Variants in APOBEC3B observed in about 807,000 individuals in gnomAD.
APOBEC3B encodes DNA dC->dU-editing enzyme APOBEC-3B.
A neutral mutation model predicts 53.4 loss-of-function variants in APOBEC3B; 29 were observed. The observed-to-expected ratio is 0.54, with a 90% confidence interval of 0.40 to 0.74. The LOEUF is 0.74. APOBEC3B is among the 30% of genes least tolerant of loss of function. The pLI is 0.00. For synonymous variants in APOBEC3B, 132 were observed against 184.8 expected (o/e 0.71, Z 2.32); for missense variants, 347 against 496.2 (o/e 0.70, Z 2.86).
intron 3 of APOBEC3B, 81 bp from the exon 4 acceptor site, chr22:38,986,217 A>G (rs1923733145): frequency 1.3e-6 from 2 of 1,585,820 alleles, no homozygotes; most frequent in Non-Finnish European, 1.7e-6. Context: ...ACTGACTGCA[A>G]CTGACAGCCA....
At position 38,988,683 on chromosome 22, in the gene APOBEC3B, C is replaced by CTCTCTTTCTCTCTCTCTT. The variant is rs1555894372; in HGVS notation, c.570-771_570-770insCTTTCTCTCTCTCTTTCT. On this transcript the variant is annotated intron_variant, in intron 4 of 7. Transcript: ENST00000333467. ...TTGCTTCCTCTCTCTTTCTCTCTTTCTCTTTCTTTCTTTCTTTCTTTCTTT... is the reference window on the plus strand; with the variant it reads ...TTGCTTCCTCTCTCTTTCTCTCTTTCTCTCTTTCTCTCTCTCTTTCTTTCTTTCTTTCTTTCTTTCTTT... Among the ~76,000 whole-genome samples, 75 of 47,500 alleles carry CTCTCTTTCTCTCTCTCTT rather than the reference C, an allele frequency of 1.6e-3. 1 individual carries two copies. The highest frequency in any genetic ancestry group is 6.2e-3 in the African/African-American group (69 of 11,136). 31.2% of individuals were successfully genotyped at this position (47,500 alleles called of 152,430 possible). A position where few individuals can be genotyped will look rare whatever the true frequency, so the allele number is the denominator to read the frequency against.
Position 38,984,082 on chromosome 22 carries a change from A to G in APOBEC3B, c.25A>G (p.Met9Val), listed in dbSNP as rs1248045775. Residue 9 changes from methionine to valine, a missense_variant, in exon 2 of 8, where the codon ATG becomes GTG. Around this residue, in one of 5 missense-constraint regions of APOBEC3B, gnomAD observed 73 missense variants for 90.9 expected, o/e 0.80. Transcript: ENST00000333467. Reference sequence around the variant, plus strand: ...TCTCTCTTGTGCCTTCAGAAATCCGATGGAGCGGATGTATCGAGACACATT... The same window carrying G: ...TCTCTCTTGTGCCTTCAGAAATCCGGTGGAGCGGATGTATCGAGACACATT... Reference protein sequence around the residue: MNPQIRNPMERMYRDTFYD... With the variant: MNPQIRNPVERMYRDTFYD... 2 of 1,575,880 alleles carry G rather than the reference A, an allele frequency of 1.3e-6. No individual in the cohort carries two copies. The highest frequency in any genetic ancestry group is 2.7e-5 in the African/African-American group (2 of 73,698).
intron 4 of APOBEC3B, among the ~76,000 whole-genome samples, chr22:38,986,615 T>C (rs1316737677): frequency 6.8e-6 from 1 of 147,868 alleles, no homozygotes; most frequent in Non-Finnish European, 1.5e-5. Context: ...AAGAGGCCCC[T>C]TCTGCCTCTA....
At chr22:38,989,720 T>C in intron 5 of APOBEC3B, 110 bp downstream of exon 5, 1 of 1,129,232 alleles carries the variant, frequency 8.9e-7, no homozygotes, top group Non-Finnish European at 1.2e-6. Context: ...TTGTCACTTG[T>C]GCTTCCTGCA....
intron 2 of APOBEC3B, among the ~76,000 whole-genome samples, chr22:38,984,895 C>CTTTTTTTTTTTTTTTTTTTTTTT (rs11308471): frequency 1.2e-5 from 1 of 84,836 alleles, no homozygotes; most frequent in Non-Finnish European, 2.3e-5. Flanking sequence ...TCTTTTTTTC[C>CTTTTTTTTTTTTTTTTTTTTTTT]TTTTTTTTTT....
Position 38,986,048 on chromosome 22 carries a change from G to C in APOBEC3B, c.411G>C (p.Arg137Ser), listed in dbSNP as rs530053789. The C allele has an allele frequency of 2.7e-5, 43 of 1,592,802 alleles. 8 individuals are homozygous for C. The South Asian group carries it at 4.7e-4, about 18-fold the overall frequency. Residue 137 changes from arginine (R) to serine (S), a missense_variant, in exon 3 of 8, where the codon AGG becomes AGC. Transcript: ENST00000333467. ...GAGATTACCGAAGGGCGCTCTGCAG[G>C]CTGAGTCAGGCAGGAGCCCGCGTGA... The part of the protein sequence containing the change: ...WERDYRRALC[R>S]LSQAGARVTI...
rs930052363 is a variant in APOBEC3B at position 38,992,682 on chromosome 22, C to G, written c.*237C>G. The G allele has an allele frequency of 8.4e-7, 1 of 1,192,632 alleles. No homozygotes were observed. The highest frequency in any genetic ancestry group is 1.5e-5 in the African/African-American group (1 of 64,672). 73.9% of individuals were successfully genotyped at this position (1,192,632 alleles called of 1,614,324 possible). The stretch of plus-strand genomic sequence containing the variant: ...AGAGTAAGATTATGCTCAATATTCC[C>G]AGAATAGTTTTCAATGTATTAATGA... On this transcript the variant is annotated 3_prime_UTR_variant, in exon 8 of 8. Transcript: ENST00000333467.
intron 6 of APOBEC3B, 118 bp downstream of exon 6, chr22:38,991,744 T>A: frequency 7.5e-7 from 1 of 1,326,086 alleles, no homozygotes; most frequent in Non-Finnish European, 1.0e-6. Flanking sequence ...CTCTGGGACC[T>A]GACTTTGGGG....
chr22:38,983,525 C>T (rs1018750694), intron 1 of APOBEC3B, among the ~76,000 whole-genome samples: 7 of 148,362 alleles, frequency 4.7e-5, no homozygotes, highest in African/African-American at 1.7e-4. Flanking sequence ...AGCTCTGTGG[C>T]CTCGGCAGGT....
intron 4 of APOBEC3B, among the ~76,000 whole-genome samples, chr22:38,987,191 T>C (rs956299616): frequency 6.7e-6 from 1 of 148,852 alleles, no homozygotes; most frequent in Non-Finnish European, 1.5e-5. Flanking sequence ...CAGGGACCAC[T>C]GCCCGCTCTG....
intron 7 of APOBEC3B, 97 bp from the exon 8 acceptor site, chr22:38,992,334 C>T (rs765813520): frequency 7.1e-6 from 11 of 1,542,952 alleles, no homozygotes; most frequent in Non-Finnish European, 9.6e-6. Context: ...GCATCCCTCC[C>T]TCCTCTCCCG....
At chr22:38,985,056 C>T (rs1923682733) in intron 2 of APOBEC3B, among the ~76,000 whole-genome samples, 1 of 147,434 alleles carries the variant, frequency 6.8e-6, no homozygotes, top group Non-Finnish European at 1.5e-5. Flanking sequence ...AGGCTGCCAC[C>T]ACGCCCAGTT....
intron 2 of APOBEC3B, 92 bp downstream of exon 2, chr22:38,984,323 A>T (rs1403632451): frequency 2.8e-6 from 4 of 1,425,460 alleles, no homozygotes; most frequent in Non-Finnish European, 3.7e-6. Flanking sequence ...GGATTTATTT[A>T]GGTGCACTGG....
chr22:38,988,744 T>TCTTTCTTTCTTTCTTTCTTC (rs1569039192), intron 4 of APOBEC3B, among the ~76,000 whole-genome samples: 1 of 116,218 alleles, frequency 8.6e-6, no homozygotes, highest in African/African-American at 3.9e-5. Flanking sequence ...TTTCTTTCTT[T>TCTTTCTTTCTTTCTTTCTTC]CTTCCTTTCT....
chr22:38,989,007 C>T lies in APOBEC3B; in HGVS notation c.570-450C>T, dbSNP rs1303462817. On this transcript the variant is annotated intron_variant, in intron 4 of 7. Coordinates refer to ENST00000333467, the MANE Select transcript of APOBEC3B (RefSeq NM_004900.5). Reference sequence around the variant, plus strand: ...TGGCAGGCTCCTCTCCCCAATGATCCCCCTCAGGAGTGTCCCTGCCCCAAT... The same window carrying T: ...TGGCAGGCTCCTCTCCCCAATGATCTCCCTCAGGAGTGTCCCTGCCCCAAT... 2.0e-5 allele frequency among the ~76,000 whole-genome samples: 3 copies of T among 147,488 alleles called. 1 individual carries two copies. The highest frequency in any genetic ancestry group is 7.4e-5 in the African/African-American group (3 of 40,528).
intron 7 of APOBEC3B, 46 bp downstream of exon 7, chr22:38,992,195 C>G: frequency 6.4e-7 from 1 of 1,571,392 alleles, no homozygotes; most frequent in Non-Finnish European, 8.6e-7. Context: ...GCCTCCCCCT[C>G]CTCCCCGCTC....
intron 4 of APOBEC3B, among the ~76,000 whole-genome samples, chr22:38,986,781 TGTGGG>T (rs1923758412): frequency 6.7e-6 from 1 of 148,758 alleles, no homozygotes; most frequent in Admixed American, 6.9e-5. Context: ...AGGAGCTCAG[TGTGGG>T]GGCACCCATG....
intron 4 of APOBEC3B, among the ~76,000 whole-genome samples, chr22:38,987,242 G>T (rs545882332): frequency 6.7e-6 from 1 of 148,666 alleles, no homozygotes; most frequent in Non-Finnish European, 1.5e-5. Context: ...TGGTGGTCCT[G>T]CTGGGCCTCA....
rs116270783 is a variant in APOBEC3B at position 38,989,366 on chromosome 22, G to A, written c.570-91G>A. The A allele has an allele frequency of 2.2e-3, 2,737 of 1,259,380 alleles. 173 individuals carry two copies. The African/African-American group carries it at 0.036, about 16-fold the overall frequency. The allele number at this position is 1,259,380 out of a possible 1,614,324, so 78.0% of individuals were successfully genotyped here. On this transcript the variant is annotated intron_variant, in intron 4 of 7. Coordinates refer to ENST00000333467, the MANE Select transcript of APOBEC3B (RefSeq NM_004900.5). ...TGACAGGTGCCTCAGTATATGGGGA[G>A]CAGGGAAGGAGTGGGGGGTGCAGGA...
Sources: allele counts gnomAD v4.1 joint callset (sites outside exome capture counted in the v4.1 genomes callset), GRCh38; gene constraint gnomAD v4.1.1; regional missense constraint gnomAD v4.1.1; transcripts MANE v1.5; gene names NCBI Gene and HGNC (gene_info 2026-07-23, HGNC 2026-07-21).